The following GTF2B variants were observed in gnomAD, a reference collection of about 807,000 sequenced individuals.
GTF2B encodes the protein general transcription factor IIB.
In GTF2B, 20 loss-of-function variants were observed where a neutral mutation model predicts 34.6. The observed-to-expected ratio is 0.58, with a 90% CI of 0.41 to 0.84. The LOEUF (loss-of-function observed/expected upper bound fraction) is 0.84. Among genes scored for constraint, GTF2B ranks in the 40% least tolerant of loss-of-function variants. GTF2B has a pLI of 0.00. For synonymous variants in GTF2B, 142 were observed against 132.4 expected (o/e 1.07, Z -0.50); for missense variants, 237 against 393.3 (o/e 0.60, Z 3.36).
intron 6 of GTF2B, among the ~76,000 whole-genome samples, chr1:88,854,597 G>A (rs1014739426): frequency 4.6e-5 from 7 of 152,048 alleles, no homozygotes; most frequent in African/African-American, 4.8e-5. Context: ...CTGCCTCCCC[G>A]GTTCAAGCAA....
chr1:88,878,291 A>T (rs1673857607), intron 2 of GTF2B, among the ~76,000 whole-genome samples: 1 of 152,148 alleles, frequency 6.6e-6, no homozygotes, highest in African/African-American at 2.4e-5. Context: ...AAAAAATAAA[A>T]AATTGGTTGT....
chr1:88,856,272 C>CAAAAAAAAAA (rs377030804), intron 6 of GTF2B, among the ~76,000 whole-genome samples: 8 of 50,022 alleles, frequency 1.6e-4, no homozygotes, highest in South Asian at 7.6e-4. Context: ...GTTTCAAAAA[C>CAAAAAAAAAA]AAAAAAAAAA....
chr1:88,853,240 G>T lies in GTF2B; in HGVS notation c.924C>A (p.Thr308=). ...DLFPTDFKFD[T]PVDKLPQL ...ATAGCTGTGGTAGTTTGTCCACTGG[G>T]GTGTCAAATTTGAAGTCTGTAGGAA... The change falls in exon 7 of 7, where the codon ACC becomes ACA. Residue 308 remains threonine, a synonymous_variant. Coordinates refer to ENST00000370500, the MANE Select transcript of GTF2B (RefSeq NM_001514.6). 3 of 1,613,486 alleles carry T rather than the reference G, an allele frequency of 1.9e-6. No homozygotes were observed. The highest frequency in any genetic ancestry group is 2.5e-6 in the Non-Finnish European group (3 of 1,179,432).
At chr1:88,878,154 C>T (rs568983102) in intron 2 of GTF2B, among the ~76,000 whole-genome samples, 104 of 152,142 alleles carry the variant, frequency 6.8e-4, no homozygotes, top group African/African-American at 2.5e-3. Context: ...CCTGTAGTCC[C>T]AGCTACTCAG....
At position 88,882,310 on chromosome 1, in the gene GTF2B, C is replaced by CAA. The variant is rs59699371; in HGVS notation, c.124+4949_124+4950dup. On this transcript the variant is annotated intron_variant, in intron 2 of 6. Coordinates refer to ENST00000370500, the MANE Select transcript of GTF2B (RefSeq NM_001514.6). Reference sequence around the variant, plus strand: ...GGGGGACAGAGGGAGACTCTCACTCCAAAAAAAAAAAAAAAAAAAAAAAAA... The same window carrying CAA: ...GGGGGACAGAGGGAGACTCTCACTCCAAAAAAAAAAAAAAAAAAAAAAAAAAA... Among the ~76,000 whole-genome samples, 91 of 36,020 alleles carry CAA rather than the reference C, an allele frequency of 2.5e-3. 8 individuals carry two copies. Among genetic ancestry groups the CAA allele is most frequent in the African/African-American group, 4.9e-3 (61 of 12,422 alleles). The allele number at this position is 36,020 out of a possible 152,430, so 23.6% of individuals were successfully genotyped here.
chr1:88,887,157 G>A (rs1329231608), intron 2 of GTF2B, 104 bp downstream of exon 2: 2 of 672,788 alleles, frequency 3.0e-6, no homozygotes, highest in Non-Finnish European at 5.3e-6. Flanking sequence ...GACCTCAGGT[G>A]ATCCTCCCAC....
chr1:88,868,403 A>G (rs1261361906), intron 2 of GTF2B, among the ~76,000 whole-genome samples: 1 of 152,234 alleles, frequency 6.6e-6, no homozygotes, highest in South Asian at 2.1e-4. Flanking sequence ...ACTATAATAT[A>G]TATGCACGAC....
intron 5 of GTF2B, 85 bp downstream of exon 5, chr1:88,859,796 AC>A: frequency 8.3e-7 from 1 of 1,208,738 alleles, no homozygotes; most frequent in Non-Finnish European, 1.2e-6. Flanking sequence ...AGATTGCGCC[AC>A]TGCACTCTGG....
chr1:88,868,165 C>T (rs538215495), intron 2 of GTF2B, among the ~76,000 whole-genome samples: 3 of 152,280 alleles, frequency 2.0e-5, no homozygotes, highest in Non-Finnish European at 2.9e-5. Context: ...AAGAAAGCTG[C>T]GAGACAAAAC....
intron 6 of GTF2B, 76 bp from the exon 7 acceptor site, chr1:88,853,422 A>G: frequency 4.6e-6 from 6 of 1,314,398 alleles, no homozygotes; most frequent in Non-Finnish European, 6.5e-6. Context: ...GTAATTTGTG[A>G]GATATGATAG....
intron 2 of GTF2B, among the ~76,000 whole-genome samples, chr1:88,886,357 TCCA>T (rs1045339862): frequency 6.6e-6 from 1 of 152,172 alleles, no homozygotes; most frequent in Non-Finnish European, 1.5e-5. Context: ...ATGCTACAAC[TCCA>T]CCACAAGAAT....
chr1:88,853,426 A>T, intron 6 of GTF2B, 80 bp from the exon 7 acceptor site: 2 of 1,296,104 alleles, frequency 1.5e-6, no homozygotes, highest in Non-Finnish European at 2.2e-6. Flanking sequence ...TTTGTGAGAT[A>T]TGATAGTATA....
chr1:88,867,348 C>T (rs931806261), intron 2 of GTF2B, among the ~76,000 whole-genome samples: 1 of 152,182 alleles, frequency 6.6e-6, no homozygotes, highest in South Asian at 2.1e-4. Flanking sequence ...TTATCATAAA[C>T]ACCAGCATGG....
chr1:88,869,631 CT>C (rs964482864), intron 2 of GTF2B, among the ~76,000 whole-genome samples: 9 of 151,286 alleles, frequency 5.9e-5, no homozygotes, highest in South Asian at 2.1e-4. Flanking sequence ...AAAATGACTT[CT>C]TTTTTTTTCC....
chr1:88,887,456 T>G, intron 1 of GTF2B, 89 bp from the exon 2 acceptor site: 1 of 803,342 alleles, frequency 1.2e-6, no homozygotes, highest in Non-Finnish European at 2.2e-6. Context: ...AGACAAAGAT[T>G]GTGAACGTTT....
intron 2 of GTF2B, among the ~76,000 whole-genome samples, chr1:88,872,123 G>A (rs984350231): frequency 5.3e-5 from 8 of 152,144 alleles, no homozygotes; most frequent in Non-Finnish European, 8.8e-5. Flanking sequence ...TTGTCACAGA[G>A]AAGTAATCTG....
intron 2 of GTF2B, among the ~76,000 whole-genome samples, chr1:88,886,478 T>C (rs1331698647): frequency 6.6e-6 from 1 of 152,202 alleles, no homozygotes; most frequent in Non-Finnish European, 1.5e-5. Context: ...AATAATTTTA[T>C]ACAAGATATT....
At chr1:88,864,853 T>C (rs531732881) in intron 2 of GTF2B, among the ~76,000 whole-genome samples, 5 of 152,362 alleles carry the variant, frequency 3.3e-5, no homozygotes, top group Middle Eastern at 3.4e-3. Flanking sequence ...TTTGTAAATG[T>C]TCTCACTTAA....
At chr1:88,868,622 G>C (rs541906365) in intron 2 of GTF2B, among the ~76,000 whole-genome samples, 3 of 152,256 alleles carry the variant, frequency 2.0e-5, no homozygotes, top group East Asian at 3.9e-4. Flanking sequence ...AGAAGAAACC[G>C]AGAGTAATTG....
Sources: gnomAD v4.1 joint callset for allele counts (sites outside exome capture counted in the v4.1 genomes callset) on GRCh38, gnomAD v4.1.1 for gene constraint, MANE v1.5 for transcripts, NCBI Gene and HGNC (gene_info 2026-07-23, HGNC 2026-07-21) for gene names.